RAB2A: variants seen among roughly 807,000 people sequenced by gnomAD.
RAB2A encodes RAB2A, member RAS oncogene family.
A neutral mutation model predicts 32.5 loss-of-function variants in RAB2A; 7 were observed. That is an observed-to-expected ratio of 0.22 (90% CI 0.12 to 0.40). RAB2A has a LOEUF of 0.40. Among genes scored for constraint, RAB2A ranks in the 10% least tolerant of loss-of-function variants. The pLI, the probability that RAB2A is intolerant of heterozygous loss-of-function variation, is 1.00. For missense variants in RAB2A, 108 were observed against 260.7 expected (o/e 0.41, Z 4.03); for synonymous variants, 79 against 85.2 (o/e 0.93, Z 0.40).
At chr8:60,609,591 T>C (rs1446875351) in intron 6 of RAB2A, among the ~76,000 whole-genome samples, 1 of 152,212 alleles carries the variant, frequency 6.6e-6, no homozygotes, top group African/African-American at 2.4e-5. Context: ...GGTTATGCTT[T>C]GGTCCCATTT....
chr8:60,574,910 A>G (rs747289582), intron 3 of RAB2A, among the ~76,000 whole-genome samples: 7 of 152,258 alleles, frequency 4.6e-5, no homozygotes, highest in Admixed American at 3.9e-4. Context: ...GTCCGTTTAA[A>G]GACATCATAA....
At chr8:60,615,215 A>G (rs904931931) in intron 6 of RAB2A, among the ~76,000 whole-genome samples, 4 of 152,230 alleles carry the variant, frequency 2.6e-5, no homozygotes, top group African/African-American at 9.6e-5. Context: ...CCCTGTAGGT[A>G]TTTCCTTGCT....
At position 60,567,806 on chromosome 8, in the gene RAB2A, T is replaced by G. The variant is rs150001327; in HGVS notation, c.119-4240T>G. On this transcript the variant is annotated intron_variant, in intron 2 of 7. Transcript: ENST00000262646. Reference sequence around the variant, plus strand: ...ATTATTTTGCATGTTCTAGGTAGACTTTTTAGTCCTATCTGTAAGTTACAA... The same window carrying G: ...ATTATTTTGCATGTTCTAGGTAGACGTTTTAGTCCTATCTGTAAGTTACAA... Among the ~76,000 whole-genome samples the G allele has an allele frequency of 8.5e-4, 130 of 152,180 alleles. 1 individual carries two copies. Among genetic ancestry groups the G allele is most frequent in the Admixed American group, 1.8e-3 (27 of 15,298 alleles).
At chr8:60,611,990 T>C (rs955080901) in intron 6 of RAB2A, among the ~76,000 whole-genome samples, 4 of 152,220 alleles carry the variant, frequency 2.6e-5, no homozygotes, top group African/African-American at 4.8e-5. Context: ...TTTTAAGTTC[T>C]GGGATACATG....
At chr8:60,531,823 A>G (rs1050087856) in intron 1 of RAB2A, among the ~76,000 whole-genome samples, 1 of 138,614 alleles carries the variant, frequency 7.2e-6, no homozygotes, top group Admixed American at 7.4e-5. Flanking sequence ...TTTTTTTAAC[A>G]CGGATTTTCG....
chr8:60,614,535 C>G (rs1038368266), intron 6 of RAB2A, among the ~76,000 whole-genome samples: 89 of 152,144 alleles, frequency 5.8e-4, no homozygotes, highest in African/African-American at 2.1e-3. Flanking sequence ...ATTACAGGTG[C>G]GAGCCTGGCC....
At chr8:60,607,159 G>C (rs113162959) in intron 6 of RAB2A, among the ~76,000 whole-genome samples, 8,962 of 144,538 alleles carry the variant, frequency 0.062, 737 homozygotes, top group African/African-American at 0.19. Flanking sequence ...GCCGGGCACA[G>C]TGGCTCACAC....
At chr8:60,609,095 A>G (rs1001906538) in intron 6 of RAB2A, among the ~76,000 whole-genome samples, 1 of 152,064 alleles carries the variant, frequency 6.6e-6, no homozygotes, top group Non-Finnish European at 1.5e-5. Flanking sequence ...TTCAGCATCA[A>G]ACTCCTTAGC....
At chr8:60,531,517 G>A (rs1464460189) in intron 1 of RAB2A, among the ~76,000 whole-genome samples, 9 of 152,144 alleles carry the variant, frequency 5.9e-5, no homozygotes. Context: ...TTTATTAATA[G>A]TAATACCTTA....
Position 60,572,323 on chromosome 8 carries a change from C to T in RAB2A, c.186+210C>T, listed in dbSNP as rs190322306. ...GGCCCTGGGTGTTGGTGTTAGTGAGCATATCTGAGTGAATGTTCACGTTAT... is the reference window on the plus strand; with the variant it reads ...GGCCCTGGGTGTTGGTGTTAGTGAGTATATCTGAGTGAATGTTCACGTTAT... On this transcript the variant is annotated intron_variant, in intron 3 of 7. Transcript: ENST00000262646. Among the ~76,000 whole-genome samples, 38 of 152,214 alleles carry T rather than the reference C, an allele frequency of 2.5e-4. 2 individuals are homozygous for T. The highest frequency in any genetic ancestry group is 2.4e-3 in the Admixed American group (36 of 15,292).
intron 3 of RAB2A, among the ~76,000 whole-genome samples, chr8:60,576,607 ATT>A (rs555004721): frequency 6.6e-6 from 1 of 152,098 alleles, no homozygotes; most frequent in Admixed American, 6.6e-5. Context: ...AATCACAGGC[ATT>A]TTTTTTCTCC....
chr8:60,559,116 G>A, intron 2 of RAB2A, 193 bp downstream of exon 2: 1 of 492,330 alleles, frequency 2.0e-6, no homozygotes, highest in South Asian at 2.9e-5. Context: ...TGTAGAAGTG[G>A]TTAAAGAAGC....
At chr8:60,596,027 T>C (rs934047671) in intron 6 of RAB2A, among the ~76,000 whole-genome samples, 1 of 152,110 alleles carries the variant, frequency 6.6e-6, no homozygotes, top group Non-Finnish European at 1.5e-5. Flanking sequence ...TGAATGAAAA[T>C]ACAACATACC....
chr8:60,580,246 C>T (rs905815134), intron 3 of RAB2A, among the ~76,000 whole-genome samples: 1 of 145,376 alleles, frequency 6.9e-6, no homozygotes, highest in Non-Finnish European at 1.5e-5. Context: ...CTGCCTGTCT[C>T]GGCCTCCCAA....
chr8:60,577,775 G>A (rs979440115), intron 3 of RAB2A, among the ~76,000 whole-genome samples: 120 of 148,214 alleles, frequency 8.1e-4, no homozygotes, highest in African/African-American at 2.7e-3. Context: ...ACAGGTGCCC[G>A]CCACCACGCC....
chr8:60,621,040 C>G lies in RAB2A; in HGVS notation c.*271C>G. The G allele has an allele frequency of 2.9e-6, 1 of 346,552 alleles. No individual in the cohort carries two copies. Among genetic ancestry groups the G allele is most frequent in the Non-Finnish European group, 5.3e-6 (1 of 188,924 alleles). The allele number at this position is 346,552 out of a possible 1,614,324, so 21.5% of individuals were successfully genotyped here. A position where few individuals can be genotyped will look rare whatever the true frequency, so the allele number is the denominator to read the frequency against. On this transcript the variant is annotated 3_prime_UTR_variant, in exon 8 of 8. Transcript: ENST00000262646. The stretch of plus-strand genomic sequence containing the variant: ...AAATGTTGTCTTGTGCCCTTAACTA[C>G]GAACTGAATTGTATTAAACACTACA...
chr8:60,612,062 C>T (rs901859904), intron 6 of RAB2A, among the ~76,000 whole-genome samples: 1 of 152,104 alleles, frequency 6.6e-6, no homozygotes, highest in South Asian at 2.1e-4. Flanking sequence ...CTGCACCTAT[C>T]AACCTGTCAT....
intron 1 of RAB2A, chr8:60,552,915 T>C (rs1807877560): frequency 6.6e-6 from 1 of 152,180 alleles, no homozygotes; most frequent in South Asian, 2.1e-4. Context: ...TTGCAAGTGA[T>C]TTCTGTCCTA....
intron 1 of RAB2A, among the ~76,000 whole-genome samples, chr8:60,550,634 A>G (rs544203404): frequency 1.3e-5 from 2 of 151,892 alleles, no homozygotes; most frequent in Non-Finnish European, 2.9e-5. Context: ...TAGTCCACCT[A>G]CCTTGGCCTC....
Sources: gnomAD v4.1 joint callset for allele counts (sites outside exome capture counted in the v4.1 genomes callset) on GRCh38, gnomAD v4.1.1 for gene constraint, MANE v1.5 for transcripts, NCBI Gene and HGNC (gene_info 2026-07-23, HGNC 2026-07-21) for gene names.